Variants in F12 observed in about 807,000 individuals in gnomAD.
The protein encoded by F12 is Hageman factor.
F12 carries 70 observed loss-of-function variants against 74.8 expected under a neutral mutation model. The ratio of observed to expected loss-of-function variants is 0.94; its 90% CI spans 0.77 to 1.14. The LOEUF (loss-of-function observed/expected upper bound fraction) is 1.14, where lower values mean the gene tolerates loss of function less well. Ranked by LOEUF, F12 falls within the 50% of genes most tolerant of loss-of-function variation. The probability of loss-of-function intolerance (pLI) is 0.00; values close to 1 mark genes in which losing one functional copy is unlikely to be tolerated. For missense variants in F12, 811 were observed against 835.7 expected (o/e 0.97, Z 0.36); for synonymous variants, 373 against 356.4 (o/e 1.05, Z -0.52).
chr5:177,405,814 A>G lies in F12; in HGVS notation c.216-9T>C. The G allele has an allele frequency of 6.2e-7, 1 of 1,614,114 alleles. No individual in the cohort carries two copies. The highest frequency in any genetic ancestry group is 2.2e-5 in the East Asian group (1 of 44,868). Reference sequence around the variant, plus strand: ...TGGGGGTGGTAGCACACCTGTAGAAAGAGACAAGGCTTCCCTGCTCTACCC... The same window carrying G: ...TGGGGGTGGTAGCACACCTGTAGAAGGAGACAAGGCTTCCCTGCTCTACCC... On this transcript the variant is annotated splice_polypyrimidine_tract_variant and intron_variant, in intron 3 of 13. Transcript: ENST00000253496.
Position 177,403,837 on chromosome 5 carries a change from C to T in F12, c.1250+22G>A, listed in dbSNP as rs1240997694. On this transcript the variant is annotated intron_variant, in intron 10 of 13. Transcript: ENST00000253496. ...GGAGGAGCCGCGGCCCCTGGGGCGGCTCTGGGCGGGCGGGTACTCGCCGGT... is the reference window on the plus strand; with the variant it reads ...GGAGGAGCCGCGGCCCCTGGGGCGGTTCTGGGCGGGCGGGTACTCGCCGGT... The T allele has an allele frequency of 4.0e-6, 6 of 1,502,412 alleles. No individual in the cohort carries two copies. The Admixed American group carries it at 6.2e-5, about 15-fold the overall frequency. The allele number at this position is 1,502,412 out of a possible 1,614,324, so 93.1% of individuals were successfully genotyped here. A position where few individuals can be genotyped will look rare whatever the true frequency, so the allele number is the denominator to read the frequency against.
At position 177,404,054 on chromosome 5, in the gene F12, G is replaced by C; in HGVS notation, c.1055C>G (p.Thr352Ser). ...PAKREQPPSL[T>S]RNGPLSCGQR... ...CCCGCAGCTCAGTGGGCCGTTCCTGGTCAGGGAAGGCGGCTGCTCCCGCTT... is the reference window on the plus strand; with the variant it reads ...CCCGCAGCTCAGTGGGCCGTTCCTGCTCAGGGAAGGCGGCTGCTCCCGCTT... Residue 352 changes from threonine (T) to serine (S), a missense_variant, in exon 10 of 14, where the codon ACC becomes AGC. Coordinates refer to ENST00000253496, the MANE Select transcript of F12 (RefSeq NM_000505.4). The C allele has an allele frequency of 6.2e-7, 1 of 1,602,676 alleles. No homozygotes were observed. The highest frequency in any genetic ancestry group is 8.5e-7 in the Non-Finnish European group (1 of 1,179,582).
At chr5:177,404,731 C>A (rs1763242160) in intron 7 of F12, 67 bp from the exon 8 acceptor site, 1 of 1,598,150 alleles carries the variant, frequency 6.3e-7, no homozygotes, top group African/African-American at 1.3e-5. Context: ...CATCTGCTTT[C>A]CGCACTCTCC....
chr5:177,404,184 C>A lies in F12; in HGVS notation c.1018+12G>T. The A allele has an allele frequency of 3.1e-6, 5 of 1,595,250 alleles. No homozygotes were observed. Among genetic ancestry groups the A allele is most frequent in the Middle Eastern group, 1.7e-4 (1 of 6,018 alleles). ...CCCTCTCGGCTCCTCCTTCCCCCCC[C>A]CACTTCCTAACCTCCCGGGGTCTGG... On this transcript the variant is annotated intron_variant, in intron 9 of 13. Transcript: ENST00000253496.
chr5:177,403,195 G>C (rs1763183049), intron 12 of F12, 59 bp downstream of exon 12: 1 of 1,593,866 alleles, frequency 6.3e-7, no homozygotes, highest in East Asian at 2.2e-5. Context: ...GGCTTCTTCC[G>C]CCTAACCCAG....
At chr5:177,405,268 C>T (rs1186918492) in intron 5 of F12, 55 bp downstream of exon 5, 10 of 1,613,234 alleles carry the variant, frequency 6.2e-6, no homozygotes, top group South Asian at 1.1e-5. Context: ...ATTCTGTAGG[C>T]CCAGGGTTGC....
Position 177,402,694 on chromosome 5 carries a change from C to A in F12, c.1536G>T (p.Ala512=). Residue 512 remains alanine, a synonymous_variant, in exon 13 of 14, where the codon GCG becomes GCT. Transcript: ENST00000253496. ...VAGWGHQFEG[A]EEYASFLQEA... ...CCTGCAGGAAGCTGGCATATTCCTC[C>A]GCCCCTGCGAACACAGAGCGCCTTC... The A allele has an allele frequency of 6.2e-7, 1 of 1,611,568 alleles. No individual in the cohort carries two copies. The highest frequency in any genetic ancestry group is 8.5e-7 in the Non-Finnish European group (1 of 1,179,988).
At chr5:177,404,703 G>T in intron 7 of F12, 39 bp from the exon 8 acceptor site, 2 of 1,605,066 alleles carry the variant, frequency 1.2e-6, no homozygotes, top group Middle Eastern at 1.7e-4. Flanking sequence ...CCAAGGCTGG[G>T]CTCTCCTGCC....
intron 12 of F12, 22 bp from the exon 13 acceptor site, chr5:177,402,720 T>C (rs1763171130): frequency 1.9e-6 from 3 of 1,610,608 alleles, no homozygotes; most frequent in Middle Eastern, 2.2e-4. Context: ...GAGCGCCTTC[T>C]TCACACCCCA....
chr5:177,409,562 A>G lies in F12; in HGVS notation c.-35T>C. The G allele has an allele frequency of 6.2e-7, 1 of 1,609,530 alleles. No homozygotes were observed. The highest frequency in any genetic ancestry group is 8.5e-7 in the Non-Finnish European group (1 of 1,176,156). On this transcript the variant is annotated 5_prime_UTR_variant, in exon 1 of 14. Transcript: ENST00000253496. Reference sequence around the variant, plus strand: ...CCGTTGGTCCAGCTGCCTATCCAGGAGTCCAGATCAATAGGACTGGCCAAA... The same window carrying G: ...CCGTTGGTCCAGCTGCCTATCCAGGGGTCCAGATCAATAGGACTGGCCAAA...
At chr5:177,402,994 G>T (rs183829384) in intron 12 of F12, 6 of 675,100 alleles carry the variant, frequency 8.9e-6, no homozygotes, top group Non-Finnish European at 1.5e-5. Flanking sequence ...GTCCTAGTTG[G>T]CCTTTGCAGC....
rs761464250 is a variant in F12 at position 177,404,324 on chromosome 5, G to A, written c.890C>T (p.Thr297Ile). 3 of 1,609,804 alleles carry A rather than the reference G, an allele frequency of 1.9e-6. No homozygotes were observed. The highest frequency in any genetic ancestry group is 4.5e-5 in the East Asian group (2 of 44,824). The change falls in exon 9 of 14, where the codon ACC (threonine) becomes ATC (isoleucine). Residue 297 changes from threonine to isoleucine, a missense_variant. Transcript: ENST00000253496. Reference sequence around the variant, plus strand: ...GGTCGGAGGCGCCGCCTGGGTTGGGGTCTGGCACTGTGCCAGGTCGCAGTA... The same window carrying A: ...GGTCGGAGGCGCCGCCTGGGTTGGGATCTGGCACTGTGCCAGGTCGCAGTA... ...WEYCDLAQCQ[T>I]PTQAAPPTPV...
chr5:177,405,673 C>A, intron 4 of F12, 62 bp downstream of exon 4: 1 of 1,517,890 alleles, frequency 6.6e-7, no homozygotes, highest in East Asian at 2.3e-5. Flanking sequence ...TCTGGTGATA[C>A]CAGGAGAGTA....
chr5:177,404,680 G>A lies in F12; in HGVS notation c.635-16C>T, dbSNP rs1298012352. The stretch of plus-strand genomic sequence containing the variant: ...GCCTTGGTGTCTGAGGAGAAAGGGG[G>A]CTCCCTGGGCAGCCAAGGCTGGGCT... On this transcript the variant is annotated splice_polypyrimidine_tract_variant and intron_variant, in intron 7 of 13. Coordinates refer to ENST00000253496, the MANE Select transcript of F12 (RefSeq NM_000505.4). 6.2e-7 allele frequency: 1 copy of A among 1,606,452 alleles called. No homozygotes were observed. The highest frequency in any genetic ancestry group is 1.1e-5 in the South Asian group (1 of 90,976).
chr5:177,404,455 C>T (rs1763232244), intron 8 of F12, 42 bp from the exon 9 acceptor site: 1 of 1,600,260 alleles, frequency 6.2e-7, no homozygotes, highest in Non-Finnish European at 8.5e-7. Flanking sequence ...GCCGGGAGCC[C>T]GGAGCCCTGG....
At position 177,405,130 on chromosome 5, in the gene F12, A is replaced by G. The variant is rs776326793; in HGVS notation, c.453T>C (p.Tyr151=). 1.9e-6 allele frequency: 3 copies of G among 1,613,934 alleles called. No individual in the cohort carries two copies. Among genetic ancestry groups the G allele is most frequent in the East Asian group, 2.2e-5 (1 of 44,882 alleles). Reference sequence around the variant, plus strand: ...TGGCCACAGCTGCTTGCTCAGTTCTATACCATATCTCATTCTTGTGGAAAA... The same window carrying G: ...TGGCCACAGCTGCTTGCTCAGTTCTGTACCATATCTCATTCTTGTGGAAAA... ...LRFFHKNEIW[Y]RTEQAAVARC... The change falls in exon 6 of 14, where the codon TAT becomes TAC. Residue 151 remains tyrosine (Y), a synonymous_variant. Transcript: ENST00000253496.
Position 177,403,412 on chromosome 5 carries a change from G to A in F12, c.1388-15C>T. 2 of 1,585,606 alleles carry A rather than the reference G, an allele frequency of 1.3e-6. No individual in the cohort carries two copies. Among genetic ancestry groups the A allele is most frequent in the Non-Finnish European group, 1.7e-6 (2 of 1,172,652 alleles). Reference sequence around the variant, plus strand: ...GCGCAACAGAGCTAACCCGGGCGGAGAGGAGCGTGAGGCGGGGACGCCGGG... The same window carrying A: ...GCGCAACAGAGCTAACCCGGGCGGAAAGGAGCGTGAGGCGGGGACGCCGGG... On this transcript the variant is annotated splice_polypyrimidine_tract_variant and intron_variant, in intron 11 of 13. Coordinates refer to ENST00000253496, the MANE Select transcript of F12 (RefSeq NM_000505.4).
intron 5 of F12, 28 bp downstream of exon 5, chr5:177,405,295 C>T: frequency 6.2e-7 from 1 of 1,613,812 alleles, no homozygotes; most frequent in East Asian, 2.2e-5. Flanking sequence ...CCCCCAGCAC[C>T]CCGCCCAGGT....
intron 10 of F12, 119 bp downstream of exon 10, chr5:177,403,740 G>T: frequency 6.8e-7 from 1 of 1,480,978 alleles, no homozygotes; most frequent in Non-Finnish European, 9.0e-7. Context: ...CCGGAGGGGC[G>T]TGGAAAGAAG....
Sources: allele counts gnomAD v4.1 joint callset, GRCh38; gene constraint gnomAD v4.1.1; transcripts MANE v1.5; gene names NCBI Gene and HGNC (gene_info 2026-07-23, HGNC 2026-07-21).